Variants in LRRC4C observed in about 807,000 individuals in gnomAD.
LRRC4C encodes the protein leucine rich repeat containing 4C.
In LRRC4C, 5 loss-of-function variants were observed where a neutral mutation model predicts 33.6. The ratio of observed to expected loss-of-function variants is 0.15; its 90% CI spans 0.08 to 0.31. The LOEUF is 0.31. Among genes scored for constraint, LRRC4C ranks in the 10% least tolerant of loss-of-function variants. The pLI, the probability that LRRC4C is intolerant of heterozygous loss-of-function variation, is 1.00. For missense variants in LRRC4C, 560 were observed against 796.7 expected, an observed-to-expected ratio of 0.70 and a Z score of 3.58; for synonymous variants, 329 against 302.0, an observed-to-expected ratio of 1.09 and a Z score of -0.93.
At chr11:40,545,840 A>C (rs1956890307) in intron 3 of LRRC4C, among the ~76,000 whole-genome samples, 1 of 151,922 alleles carries the variant, frequency 6.6e-6, no homozygotes. Context: ...CTCTGGCTGA[A>C]GCTTTGCACT....
At position 41,219,767 on chromosome 11, in the gene LRRC4C, G is replaced by T. The variant is rs188019433; in HGVS notation, c.-496+239664C>A. Among the ~76,000 whole-genome samples, 4 of 152,304 alleles carry T rather than the reference G, an allele frequency of 2.6e-5. No homozygotes were observed. In the East Asian group the frequency reaches 7.7e-4, roughly 29 times the overall value. ...AGGGGATGAACCAGATGAAGTTTCA[G>T]AGATGCAATTCTGAATAAATAATTT... On this transcript the variant is annotated intron_variant, in intron 1 of 6. Coordinates refer to ENST00000528697, the MANE Select transcript of LRRC4C (RefSeq NM_001258419.2).
chr11:41,227,546 C>A (rs1393144574), intron 1 of LRRC4C, among the ~76,000 whole-genome samples: 1 of 151,968 alleles, frequency 6.6e-6, no homozygotes, highest in South Asian at 2.1e-4. Context: ...GCTCTGTGAC[C>A]CAGGATGCAG....
intron 1 of LRRC4C, among the ~76,000 whole-genome samples, chr11:41,446,162 AG>A (rs1955819910): frequency 1.3e-5 from 2 of 152,204 alleles, no homozygotes; most frequent in South Asian, 2.1e-4. Context: ...TCACTCTACC[AG>A]GTTACTCTTT....
intron 1 of LRRC4C, among the ~76,000 whole-genome samples, chr11:41,152,757 A>G (rs967946573): frequency 6.6e-6 from 1 of 152,182 alleles, no homozygotes; most frequent in African/African-American, 2.4e-5. Context: ...AATACTGTAC[A>G]GAATTAGAGA....
At chr11:41,279,304 C>T (rs373602875) in intron 1 of LRRC4C, among the ~76,000 whole-genome samples, 30 of 150,896 alleles carry the variant, frequency 2.0e-4, no homozygotes, top group African/African-American at 6.6e-4. Context: ...CTTCCATGAC[C>T]GAAGGAAGCC....
chr11:40,812,472 A>T (rs1235070676), intron 2 of LRRC4C, among the ~76,000 whole-genome samples: 1 of 152,232 alleles, frequency 6.6e-6, no homozygotes, highest in Non-Finnish European at 1.5e-5. Flanking sequence ...GCTTTAGAAA[A>T]GAAACTTGGC....
intron 3 of LRRC4C, among the ~76,000 whole-genome samples, chr11:40,480,290 CT>C (rs145727031): frequency 8.0e-5 from 12 of 149,824 alleles, no homozygotes; most frequent in South Asian, 2.1e-4. Flanking sequence ...CTTGCTTCTG[CT>C]TTTTTTTTAA....
intron 1 of LRRC4C, among the ~76,000 whole-genome samples, chr11:41,017,414 T>C (rs1040726645): frequency 3.3e-5 from 5 of 152,152 alleles, no homozygotes; most frequent in Non-Finnish European, 7.4e-5. Context: ...ATCTACAAAA[T>C]TGCAATGCTG....
At chr11:40,846,191 T>A (rs751362683) in intron 2 of LRRC4C, among the ~76,000 whole-genome samples, 6 of 152,068 alleles carry the variant, frequency 3.9e-5, no homozygotes, top group Non-Finnish European at 8.8e-5. Context: ...AATTAGATCC[T>A]ATTTGCCTAT....
Position 40,270,599 on chromosome 11 carries a change from A to G in LRRC4C, c.-175-29001T>C, listed in dbSNP as rs563242576. 2.6e-5 allele frequency among the ~76,000 whole-genome samples: 4 copies of G among 152,124 alleles called. No individual in the cohort carries two copies. The East Asian group carries it at 7.8e-4, about 30-fold the overall frequency. ...ATAACACTCTCTTCTTCTTTCTTTG[A>G]ACAGAAAATTATCCTCTTCTATTTT... is the stretch of plus-strand genomic sequence containing the variant. On this transcript the variant is annotated intron_variant, in intron 4 of 6. Coordinates refer to ENST00000528697, the MANE Select transcript of LRRC4C (RefSeq NM_001258419.2).
chr11:40,276,676 T>TGC (rs1341282767), intron 4 of LRRC4C, among the ~76,000 whole-genome samples: 3 of 23,724 alleles, frequency 1.3e-4, no homozygotes, highest in Non-Finnish European at 2.0e-4. Context: ...GGGAAACAAG[T>TGC]GTGTGTGTGT....
intron 3 of LRRC4C, among the ~76,000 whole-genome samples, chr11:40,588,428 C>G (rs1958867909): frequency 6.6e-6 from 1 of 152,066 alleles, no homozygotes; most frequent in South Asian, 2.1e-4. Flanking sequence ...AAAAAACCAG[C>G]TCCTGGATTC....
intron 1 of LRRC4C, among the ~76,000 whole-genome samples, chr11:41,272,584 C>G (rs764683745): frequency 6.6e-6 from 1 of 152,002 alleles, no homozygotes; most frequent in Non-Finnish European, 1.5e-5. Context: ...CATGCTAGCT[C>G]TTATGGTTTG....
chr11:41,366,816 AG>A (rs1428979276), intron 1 of LRRC4C, among the ~76,000 whole-genome samples: 1 of 152,168 alleles, frequency 6.6e-6, no homozygotes, highest in African/African-American at 2.4e-5. Context: ...CAAGACAAGG[AG>A]AAAGGATTGA....
chr11:40,449,505 T>A (rs771772185), intron 3 of LRRC4C, among the ~76,000 whole-genome samples: 4 of 152,192 alleles, frequency 2.6e-5, no homozygotes, highest in African/African-American at 2.4e-5. Flanking sequence ...AGTGATTACT[T>A]CATCAAAGCC....
chr11:40,910,748 C>T (rs536709711), intron 2 of LRRC4C, among the ~76,000 whole-genome samples: 1 of 152,312 alleles, frequency 6.6e-6, no homozygotes, highest in South Asian at 2.1e-4. Context: ...CAAGGCGAGG[C>T]ATCACCTCAC....
At chr11:41,382,278 A>T (rs1355288297) in intron 1 of LRRC4C, among the ~76,000 whole-genome samples, 1 of 152,066 alleles carries the variant, frequency 6.6e-6, no homozygotes, top group Non-Finnish European at 1.5e-5. Flanking sequence ...AAAACAATCA[A>T]AACTTAAGAA....
intron 1 of LRRC4C, among the ~76,000 whole-genome samples, chr11:41,276,536 A>C (rs577240485): frequency 6.6e-6 from 1 of 152,194 alleles, no homozygotes; most frequent in Non-Finnish European, 1.5e-5. Context: ...TCATTTAATT[A>C]TGTAACTATC....
At chr11:41,308,842 T>C (rs1008360626) in intron 1 of LRRC4C, among the ~76,000 whole-genome samples, 2 of 151,900 alleles carry the variant, frequency 1.3e-5, no homozygotes, top group African/African-American at 4.8e-5. Flanking sequence ...TTTGCTCTTG[T>C]CACCCAGGCT....
Sources: gnomAD v4.1 joint callset for allele counts (sites outside exome capture counted in the v4.1 genomes callset) on GRCh38, gnomAD v4.1.1 for gene constraint, MANE v1.5 for transcripts, NCBI Gene and HGNC (gene_info 2026-07-23, HGNC 2026-07-21) for gene names.